KLKB1: variants seen among roughly 807,000 people sequenced by gnomAD.
KLKB1 encodes the protein plasma kallikrein.
KLKB1 carries 58 observed loss-of-function variants against 73.6 expected under a neutral mutation model. The observed-to-expected ratio is 0.79, with a 90% CI of 0.64 to 0.98. The LOEUF is 0.98. Ranked by LOEUF, KLKB1 falls within the 50% of genes least tolerant of loss-of-function variation. KLKB1 has a pLI of 0.00. For missense variants in KLKB1, 737 were observed against 763.8 expected (o/e 0.96, Z 0.41); for synonymous variants, 280 against 258.1 (o/e 1.08, Z -0.81).
chr4:186,220,689 T>C (rs1338025199), intron 2 of KLKB1, among the ~76,000 whole-genome samples: 1 of 152,200 alleles, frequency 6.6e-6, no homozygotes, highest in African/African-American at 2.4e-5. Flanking sequence ...TTTTAATGTG[T>C]TGTTGAATTT....
intron 13 of KLKB1, 105 bp downstream of exon 13, chr4:186,256,192 C>G: frequency 1.4e-6 from 1 of 735,870 alleles, no homozygotes. Context: ...TATCTAAACT[C>G]TTTATCTTTC....
intron 3 of KLKB1, among the ~76,000 whole-genome samples, chr4:186,233,384 A>C: frequency 6.6e-6 from 1 of 152,232 alleles, no homozygotes; most frequent in South Asian, 2.1e-4. Context: ...TACCAACTAG[A>C]AATTGGATAG....
chr4:186,214,746 A>G (rs1388647232), intron 2 of KLKB1, among the ~76,000 whole-genome samples: 2 of 152,170 alleles, frequency 1.3e-5, no homozygotes, highest in Non-Finnish European at 2.9e-5. Flanking sequence ...CATTTCAGGG[A>G]TAAATCTCTC....
At chr4:186,255,522 G>A (rs1304831671) in intron 12 of KLKB1, among the ~76,000 whole-genome samples, 1 of 152,212 alleles carries the variant, frequency 6.6e-6, no homozygotes, top group Non-Finnish European at 1.5e-5. Flanking sequence ...AGCCAAGATC[G>A]TGCCACTGCA....
At chr4:186,250,132 A>T in intron 6 of KLKB1, 111 bp from the exon 7 acceptor site, 2 of 1,073,718 alleles carry the variant, frequency 1.9e-6, no homozygotes, top group Non-Finnish European at 2.9e-6. Context: ...TAGGATGTTT[A>T]GTACTATGAA....
chr4:186,237,129 C>T (rs780040114), intron 5 of KLKB1, among the ~76,000 whole-genome samples, 189 bp downstream of exon 5: 6 of 152,016 alleles, frequency 3.9e-5, no homozygotes, highest in South Asian at 2.1e-4. Flanking sequence ...GATGGAGTCG[C>T]GCTCTGTCGC....
chr4:186,238,133 C>A, intron 5 of KLKB1, 123 bp from the exon 6 acceptor site: 1 of 732,418 alleles, frequency 1.4e-6, no homozygotes, highest in Non-Finnish European at 2.5e-6. Flanking sequence ...ATGCAGACCC[C>A]TAACCCACTC....
intron 5 of KLKB1, among the ~76,000 whole-genome samples, chr4:186,237,400 C>T (rs1428860511): frequency 6.6e-6 from 1 of 152,142 alleles, no homozygotes; most frequent in African/African-American, 2.4e-5. Flanking sequence ...CCTCGCCCTT[C>T]ATTTTTTAAT....
intron 2 of KLKB1, among the ~76,000 whole-genome samples, chr4:186,217,612 GAA>G (rs1736935083): frequency 6.6e-6 from 1 of 152,120 alleles, no homozygotes; most frequent in South Asian, 2.1e-4. Context: ...TCAAAGAATA[GAA>G]AACAAAGGAG....
In KLKB1 at chr4:186,232,160, T is replaced by C; in HGVS notation, c.92T>C (p.Phe31Ser). 6.2e-7 allele frequency: 1 copy of C among 1,613,828 alleles called. No individual in the cohort carries two copies. The highest frequency in any genetic ancestry group is 1.1e-5 in the South Asian group (1 of 91,022). The change falls in exon 3 of 15, where the codon TTC (phenylalanine) becomes TCC (serine). Residue 31 changes from phenylalanine to serine, a missense_variant. By Grantham distance (155) the Phe-to-Ser change is radical. Transcript: ENST00000264690. Reference sequence around the variant, plus strand: ...ACTCAACTCTATGAAAACGCCTTCTTCAGAGGTGGGGATGTAGCTTCCATG... The same window carrying C: ...ACTCAACTCTATGAAAACGCCTTCTCCAGAGGTGGGGATGTAGCTTCCATG... ...CLTQLYENAF[F>S]RGGDVASMYT...
chr4:186,228,254 GT>G lies in KLKB1; in HGVS notation c.58+2del. ...TCCTTGTTTGCTACAGTTTCCTGTG[GT>G]AAGTGAATTATCTATAAAACATGGA... On this transcript the variant is annotated splice_donor_variant, in intron 2 of 14. Coordinates refer to ENST00000264690, the MANE Select transcript of KLKB1 (RefSeq NM_000892.5). LOFTEE classifies it high-confidence loss of function. 1 of 1,583,056 alleles carries G rather than the reference GT, an allele frequency of 6.3e-7. No homozygotes were observed. Among genetic ancestry groups the G allele is most frequent in the Non-Finnish European group, 8.7e-7 (1 of 1,151,896 alleles).
intron 12 of KLKB1, among the ~76,000 whole-genome samples, chr4:186,255,609 A>T (rs1738955975): frequency 6.6e-6 from 1 of 152,178 alleles, no homozygotes; most frequent in Non-Finnish European, 1.5e-5. Flanking sequence ...TAAAATGAGG[A>T]TGATAATTTC....
At chr4:186,251,059 A>G in intron 7 of KLKB1, 160 bp from the exon 8 acceptor site, 1 of 612,348 alleles carries the variant, frequency 1.6e-6, no homozygotes, top group Non-Finnish European at 2.9e-6. Flanking sequence ...TAATCTCTGC[A>G]ATTTATTAGA....
At chr4:186,245,126 G>C (rs1738261125) in intron 6 of KLKB1, among the ~76,000 whole-genome samples, 1 of 152,098 alleles carries the variant, frequency 6.6e-6, no homozygotes, top group Non-Finnish European at 1.5e-5. Flanking sequence ...AAAAAGGAGT[G>C]CATAAAAGAA....
chr4:186,248,870 C>A (rs1738524212), intron 6 of KLKB1, among the ~76,000 whole-genome samples: 1 of 152,122 alleles, frequency 6.6e-6, no homozygotes, highest in Non-Finnish European at 1.5e-5. Flanking sequence ...CCTTTCTAGG[C>A]AGTGTGAAGT....
At chr4:186,222,708 A>T (rs1052224297), upstream of KLKB1, among the ~76,000 whole-genome samples, 10 of 152,320 alleles carry the variant, frequency 6.6e-5, no homozygotes, top group African/African-American at 2.4e-4. Flanking sequence ...GTATTGGAGT[A>T]TTCTGTATTT....
chr4:186,247,982 T>C (rs1322165062), intron 6 of KLKB1, among the ~76,000 whole-genome samples: 1 of 152,210 alleles, frequency 6.6e-6, no homozygotes, highest in East Asian at 1.9e-4. Flanking sequence ...GCACGGTGGC[T>C]CACGCCTGTA....
intron 4 of KLKB1, 74 bp downstream of exon 4, chr4:186,234,132 G>A: frequency 3.6e-6 from 4 of 1,119,616 alleles, no homozygotes; most frequent in Non-Finnish European, 5.5e-6. Context: ...CTCAAAGTTT[G>A]TACTGCTACA....
intron 6 of KLKB1, 106 bp downstream of exon 6, chr4:186,238,471 G>C (rs772321961): frequency 3.0e-5 from 24 of 809,564 alleles, no homozygotes; most frequent in Non-Finnish European, 4.8e-5. Flanking sequence ...TCCCATAGCT[G>C]GCAAAAGCGT....
Sources: allele counts gnomAD v4.1 joint callset (sites outside exome capture counted in the v4.1 genomes callset), GRCh38; gene constraint gnomAD v4.1.1; transcripts MANE v1.5; gene names NCBI Gene and HGNC (gene_info 2026-07-23, HGNC 2026-07-21).